WWC2: variants seen among roughly 807,000 people sequenced by gnomAD.
WWC2 encodes the protein protein WWC2.
Under a neutral mutation model 138.5 loss-of-function variants are expected in WWC2, and 101 were observed. That is an observed-to-expected ratio of 0.73 (90% CI 0.62 to 0.86). WWC2 has a LOEUF of 0.86. Among genes scored for constraint, WWC2 ranks in the 40% least tolerant of loss-of-function variants. WWC2 has a pLI of 0.00. For synonymous variants in WWC2, 558 were observed against 538.4 expected, an observed-to-expected ratio of 1.04 and a Z score of -0.50; for missense variants, 1,420 against 1,419.4, an observed-to-expected ratio of 1.00 and a Z score of -0.01.
At chr4:183,124,645 A>G (rs1229033085) in intron 1 of WWC2, among the ~76,000 whole-genome samples, 1 of 145,060 alleles carries the variant, frequency 6.9e-6, no homozygotes, top group Non-Finnish European at 1.5e-5. Flanking sequence ...GCTGGAGTGC[A>G]GTGGCATGAT....
chr4:183,142,729 C>T (rs912473564), intron 1 of WWC2, among the ~76,000 whole-genome samples: 1 of 152,170 alleles, frequency 6.6e-6, no homozygotes, highest in Non-Finnish European at 1.5e-5. Flanking sequence ...CTGGCTTGCA[C>T]CAGTATGAGA....
chr4:183,242,872 A>C (rs1736664428), intron 5 of WWC2, among the ~76,000 whole-genome samples: 1 of 152,212 alleles, frequency 6.6e-6, no homozygotes, highest in African/African-American at 2.4e-5. Context: ...TTATTTTATG[A>C]CAAGTTAGGG....
At chr4:183,150,953 G>A (rs1733621286) in intron 1 of WWC2, among the ~76,000 whole-genome samples, 1 of 152,158 alleles carries the variant, frequency 6.6e-6, no homozygotes, top group Non-Finnish European at 1.5e-5. Flanking sequence ...GGACATTTGG[G>A]TTGGTTCCAA....
intron 21 of WWC2, among the ~76,000 whole-genome samples, chr4:183,296,859 C>T (rs916090370): frequency 3.7e-5 from 5 of 135,022 alleles, no homozygotes; most frequent in Admixed American, 1.7e-4. Flanking sequence ...GCGTGAACCC[C>T]GGAGGCGGAG....
rs575137237 is a variant in WWC2, at chr4:183,190,838, T to C, written c.132-2761T>C. ...TCAAGTTACTATTAACTTGTAATCA[T>C]AGCACATGCTCTCAAGCTTTTATAA... On this transcript the variant is annotated intron_variant, in intron 1 of 22. Transcript: ENST00000403733. 7.9e-5 allele frequency among the ~76,000 whole-genome samples: 12 copies of C among 152,358 alleles called. 1 individual carries two copies. The highest frequency in any genetic ancestry group is 2.9e-4 in the African/African-American group (12 of 41,588).
At position 183,249,973 on chromosome 4, in the gene WWC2, G is replaced by A. The variant is rs550308875; in HGVS notation, c.933G>A (p.Gln311=). 2.5e-6 allele frequency: 4 copies of A among 1,613,790 alleles called. No individual in the cohort carries two copies. Among genetic ancestry groups the A allele is most frequent in the South Asian group, 1.1e-5 (1 of 91,000 alleles). The change falls in exon 8 of 23, where the codon CAG becomes CAA. Residue 311 remains glutamine, a synonymous_variant. Transcript: ENST00000403733. The part of the protein sequence containing the change: ...NLAEKVRLSL[Q]YEEAKRSMAN... Reference sequence around the variant, plus strand: ...CTGAAAAGGTCAGGCTAAGCCTACAGTATGAAGAAGCCAAAAGAAGGTAAT... The same window carrying A: ...CTGAAAAGGTCAGGCTAAGCCTACAATATGAAGAAGCCAAAAGAAGGTAAT...
At chr4:183,172,440 G>A (rs1734316618) in intron 1 of WWC2, among the ~76,000 whole-genome samples, 1 of 152,016 alleles carries the variant, frequency 6.6e-6, no homozygotes, top group African/African-American at 2.4e-5. Flanking sequence ...TAATATTTTA[G>A]CTAGGGACAT....
At chr4:183,247,767 T>C (rs1413853737) in intron 6 of WWC2, among the ~76,000 whole-genome samples, 3 of 140,906 alleles carry the variant, frequency 2.1e-5, no homozygotes, top group African/African-American at 7.9e-5. Flanking sequence ...ATATATATAA[T>C]ATATATACTA....
chr4:183,237,151 A>G (rs376107787), intron 4 of WWC2, among the ~76,000 whole-genome samples: 37 of 152,322 alleles, frequency 2.4e-4, no homozygotes, highest in African/African-American at 7.7e-4. Flanking sequence ...AGCTTGTTTT[A>G]TAGTTTTCAT....
intron 1 of WWC2, among the ~76,000 whole-genome samples, chr4:183,156,656 A>G (rs903711151): frequency 3.3e-5 from 5 of 152,090 alleles, no homozygotes; most frequent in African/African-American, 4.8e-5. Context: ...TTATTCTCCC[A>G]TCTACTCTGC....
At chr4:183,302,336 T>C (rs1048568309) in intron 21 of WWC2, among the ~76,000 whole-genome samples, 4 of 152,182 alleles carry the variant, frequency 2.6e-5, no homozygotes, top group African/African-American at 9.7e-5. Flanking sequence ...AGGTCCTTAA[T>C]TGCCCTTTTT....
intron 18 of WWC2, 76 bp downstream of exon 18, chr4:183,282,982 TC>T: frequency 7.2e-7 from 1 of 1,388,784 alleles, no homozygotes; most frequent in Non-Finnish European, 9.5e-7. Flanking sequence ...CTTGTTTGTC[TC>T]CTTAGGTGTA....
Position 183,256,901 on chromosome 4 carries a change from C to A in WWC2, c.1197-2738C>A, listed in dbSNP as rs573820908. Among the ~76,000 whole-genome samples the A allele has an allele frequency of 4.6e-5, 5 of 108,632 alleles. 1 individual carries two copies. Among genetic ancestry groups the A allele is most frequent in the South Asian group, 3.1e-4 (1 of 3,242 alleles). 71.3% of individuals were successfully genotyped at this position (108,632 alleles called of 152,430 possible). On this transcript the variant is annotated intron_variant, in intron 9 of 22. Coordinates refer to ENST00000403733, the MANE Select transcript of WWC2 (RefSeq NM_024949.6). ...ATCCTACAGCCCCCCCCCCCCCCCC[C>A]CCGGCTCTGTTCCTGCCCCCACAGG...
intron 11 of WWC2, among the ~76,000 whole-genome samples, chr4:183,264,202 C>T (rs927274293): frequency 2.0e-5 from 3 of 152,196 alleles, no homozygotes; most frequent in South Asian, 2.1e-4. Context: ...ACTTAAACAT[C>T]TTCACAAGAT....
chr4:183,183,665 C>T (rs545001399), intron 1 of WWC2, among the ~76,000 whole-genome samples: 1 of 152,228 alleles, frequency 6.6e-6, no homozygotes, highest in East Asian at 1.9e-4. Context: ...GCAGTTCTAG[C>T]TCCTTGGGAG....
intron 1 of WWC2, among the ~76,000 whole-genome samples, chr4:183,117,129 C>T (rs552229444): frequency 5.9e-4 from 89 of 152,108 alleles, no homozygotes; most frequent in African/African-American, 2.1e-3. Context: ...TATCCCCTCC[C>T]TTTTCGAGAC....
intron 9 of WWC2, 41 bp from the exon 10 acceptor site, chr4:183,259,598 T>G (rs979547837): frequency 2.2e-6 from 3 of 1,371,804 alleles, no homozygotes; most frequent in Non-Finnish European, 2.0e-6. Context: ...AGTTTTCATA[T>G]TTTGTTATAA....
Position 183,179,562 on chromosome 4 carries a change from G to A in WWC2, c.132-14037G>A, listed in dbSNP as rs570719960. Among the ~76,000 whole-genome samples, 17 of 152,126 alleles carry A rather than the reference G, an allele frequency of 1.1e-4. 1 individual carries two copies. The highest frequency in any genetic ancestry group is 3.4e-3 in the Middle Eastern group (1 of 294). On this transcript the variant is annotated intron_variant, in intron 1 of 22. Coordinates refer to ENST00000403733, the MANE Select transcript of WWC2 (RefSeq NM_024949.6). ...GTTCTGGAGGGTGAGCCTACAGGAT[G>A]TTGACGGAGAGGGGGCCATCAAGGA... is the stretch of plus-strand genomic sequence containing the variant.
intron 1 of WWC2, among the ~76,000 whole-genome samples, chr4:183,129,014 T>C (rs543982216): frequency 9.8e-5 from 15 of 152,372 alleles, no homozygotes; most frequent in Admixed American, 3.3e-4. Flanking sequence ...TTAAGAGTTT[T>C]AATTGATTAT....
Sources: gnomAD v4.1 joint callset for allele counts (sites outside exome capture counted in the v4.1 genomes callset) on GRCh38, gnomAD v4.1.1 for gene constraint, MANE v1.5 for transcripts, NCBI Gene and HGNC (gene_info 2026-07-23, HGNC 2026-07-21) for gene names.